KIAA1549L: variants seen among roughly 807,000 people sequenced by gnomAD.
KIAA1549L encodes the protein KIAA1549 like.
Under a neutral mutation model 160.7 loss-of-function variants are expected in KIAA1549L, and 88 were observed. The observed-to-expected ratio is 0.55, with a 90% CI of 0.46 to 0.65. KIAA1549L has a LOEUF of 0.65. KIAA1549L is among the 30% of genes least tolerant of loss of function. The probability of loss-of-function intolerance (pLI) is 0.00; values close to 1 mark genes in which losing one functional copy is unlikely to be tolerated. For missense variants in KIAA1549L, 2,258 were observed against 2,437.5 expected (o/e 0.93, Z 1.55); for synonymous variants, 950 against 976.7 (o/e 0.97, Z 0.51).
chr11:33,476,879 A>G (rs1852297600), intron 1 of KIAA1549L, among the ~76,000 whole-genome samples: 1 of 152,190 alleles, frequency 6.6e-6, no homozygotes, highest in South Asian at 2.1e-4. Context: ...TTTATTTACT[A>G]ATGTCTATTG....
At chr11:33,608,682 C>T (rs1388980508) in intron 14 of KIAA1549L, among the ~76,000 whole-genome samples, 1 of 152,244 alleles carries the variant, frequency 6.6e-6, no homozygotes, top group African/African-American at 2.4e-5. Flanking sequence ...CCCTTTTCCT[C>T]CCAGGCCCAT....
chr11:33,405,593 C>G (rs1197020159), intron 1 of KIAA1549L, among the ~76,000 whole-genome samples: 1 of 150,740 alleles, frequency 6.6e-6, no homozygotes, highest in East Asian at 1.9e-4. Flanking sequence ...CCTGTAATCC[C>G]AGCACTTTGG....
At position 33,659,692 on chromosome 11, in the gene KIAA1549L, T is replaced by C. The variant is rs539590691; in HGVS notation, c.6007+794T>C. On this transcript the variant is annotated intron_variant, in intron 19 of 20. Coordinates refer to ENST00000658780, the MANE Select transcript of KIAA1549L (RefSeq NM_012194.3). ...TTCCACCAGTGAAGTCCATTTCTTT[T>C]GGTTCTTTTTCTTGGCGCTTTAAAA... 1.3e-3 allele frequency among the ~76,000 whole-genome samples: 205 copies of C among 152,356 alleles called. 7 individuals carry two copies. In the South Asian group the frequency reaches 0.041, roughly 31 times the overall value.
chr11:33,602,423 G>A (rs1850388761), intron 13 of KIAA1549L, among the ~76,000 whole-genome samples: 2 of 152,194 alleles, frequency 1.3e-5, no homozygotes, highest in African/African-American at 4.8e-5. Flanking sequence ...AGAGAATAAT[G>A]ATGCTATTAT....
intron 6 of KIAA1549L, 34 bp downstream of exon 6, chr11:33,552,275 A>G (rs999407004): frequency 1.3e-6 from 2 of 1,578,822 alleles, no homozygotes; most frequent in Non-Finnish European, 1.7e-6. Flanking sequence ...TGTGTAGTTG[A>G]CAGACAACCA....
intron 1 of KIAA1549L, among the ~76,000 whole-genome samples, chr11:33,466,236 C>T (rs1008555720): frequency 6.6e-5 from 10 of 152,108 alleles, no homozygotes; most frequent in African/African-American, 2.4e-4. Context: ...ACAAAGGGCT[C>T]ATATCCAGAA....
intron 15 of KIAA1549L, among the ~76,000 whole-genome samples, chr11:33,614,560 A>C (rs1564924804): frequency 0.056 from 739 of 13,138 alleles, 110 homozygotes; most frequent in African/African-American, 0.11. Flanking sequence ...ATATATATAT[A>C]TATATATATA....
intron 13 of KIAA1549L, 189 bp downstream of exon 13, chr11:33,599,136 T>C: frequency 1.9e-6 from 1 of 518,874 alleles, no homozygotes; most frequent in Non-Finnish European, 3.4e-6. Context: ...ACCCCTTGTC[T>C]GAATTGTCCT....
chr11:33,504,260 TAA>T (rs545718717), intron 1 of KIAA1549L, among the ~76,000 whole-genome samples: 15 of 147,490 alleles, frequency 1.0e-4, no homozygotes, highest in African/African-American at 3.0e-4. Flanking sequence ...GACTCTGTCT[TAA>T]AAAAAAAAAA....
intron 1 of KIAA1549L, chr11:33,403,351 A>AGG (rs2134071176): frequency 3.5e-5 from 4 of 114,566 alleles, no homozygotes; most frequent in African/African-American, 9.5e-5. Context: ...ACACGCAGAC[A>AGG]GACACACACA....
chr11:33,533,462 G>C lies in KIAA1549L; in HGVS notation c.239-8340G>C, dbSNP rs143133932. Among the ~76,000 whole-genome samples the C allele has an allele frequency of 1.2e-3, 183 of 152,292 alleles. No individual in the cohort carries two copies. The South Asian group carries it at 0.025, about 21-fold the overall frequency. On this transcript the variant is annotated intron_variant, in intron 1 of 20. Coordinates refer to ENST00000658780, the MANE Select transcript of KIAA1549L (RefSeq NM_012194.3). ...TCACAGTGATAATAAACTGCTCTCT[G>C]ATGCGTTTAGTTCAAGGCTAAGTTT... is the stretch of plus-strand genomic sequence containing the variant.
chr11:33,574,956 T>A, intron 10 of KIAA1549L, 83 bp downstream of exon 10: 1 of 1,190,324 alleles, frequency 8.4e-7, no homozygotes, highest in Non-Finnish European at 1.2e-6. Flanking sequence ...AAAATCATGT[T>A]AATGGTCTCA....
intron 1 of KIAA1549L, among the ~76,000 whole-genome samples, chr11:33,419,186 T>C (rs1850947936): frequency 1.3e-5 from 2 of 152,152 alleles, no homozygotes; most frequent in South Asian, 4.2e-4. Context: ...CTACATTTCT[T>C]TATGGTTTTC....
At chr11:33,593,894 A>G (rs1850131165) in intron 12 of KIAA1549L, among the ~76,000 whole-genome samples, 1 of 152,126 alleles carries the variant, frequency 6.6e-6, no homozygotes, top group Admixed American at 6.5e-5. Flanking sequence ...ATTACTCTAT[A>G]AGACTGGGAA....
chr11:33,661,432 C>G (rs1852256491), intron 20 of KIAA1549L, among the ~76,000 whole-genome samples: 1 of 152,146 alleles, frequency 6.6e-6, no homozygotes, highest in South Asian at 2.1e-4. Flanking sequence ...TCAGGGGATG[C>G]CACTTATCTA....
At chr11:33,568,012 TG>T (rs1448643187) in intron 8 of KIAA1549L, 63 bp from the exon 9 acceptor site, 2 of 1,483,836 alleles carry the variant, frequency 1.3e-6, no homozygotes, top group African/African-American at 2.8e-5. Context: ...CAGTGGTGCT[TG>T]TGCTTACTGA....
chr11:33,519,545 T>G (rs1361708110), intron 1 of KIAA1549L, among the ~76,000 whole-genome samples: 1 of 152,172 alleles, frequency 6.6e-6, no homozygotes, highest in Non-Finnish European at 1.5e-5. Flanking sequence ...TACTTCAGGG[T>G]AGGAGATAGA....
rs1353804268 is a variant in KIAA1549L, at chr11:33,668,879, C to T, written c.*725C>T. ...GTTGCCATTTTGGAAATAAAAGTCC[C>T]CTACAAGTTAGGATCTAACTGAAAG... On this transcript the variant is annotated 3_prime_UTR_variant, in exon 21 of 21. Coordinates refer to ENST00000658780, the MANE Select transcript of KIAA1549L (RefSeq NM_012194.3). 1 of 152,138 alleles carries T rather than the reference C, an allele frequency of 6.6e-6. No homozygotes were observed. Among genetic ancestry groups the T allele is most frequent in the Non-Finnish European group, 1.5e-5 (1 of 68,042 alleles). 9.4% of individuals were successfully genotyped at this position (152,138 alleles called of 1,614,324 possible).
intron 18 of KIAA1549L, among the ~76,000 whole-genome samples, chr11:33,657,761 C>T (rs1215457161): frequency 1.3e-5 from 2 of 152,154 alleles, no homozygotes; most frequent in African/African-American, 4.8e-5. Context: ...GGTGCCACTG[C>T]ACTCCAGCCT....
Sources: allele counts gnomAD v4.1 joint callset (sites outside exome capture counted in the v4.1 genomes callset), GRCh38; gene constraint gnomAD v4.1.1; transcripts MANE v1.5; gene names NCBI Gene and HGNC (gene_info 2026-07-23, HGNC 2026-07-21).